PCDHGC4: variants seen among roughly 807,000 people sequenced by gnomAD.
PCDHGC4 encodes the protein protocadherin gamma-C4.
A neutral mutation model predicts 59.7 loss-of-function variants in PCDHGC4; 15 were observed. The ratio of observed to expected loss-of-function variants is 0.25; its 90% CI spans 0.17 to 0.39. The LOEUF is 0.39. Ranked by LOEUF, PCDHGC4 falls within the 10% of genes least tolerant of loss-of-function variation. The probability of loss-of-function intolerance (pLI) is 1.00; values close to 1 mark genes in which losing one functional copy is unlikely to be tolerated. For missense variants in PCDHGC4, 1,016 were observed against 1,189.5 expected (o/e 0.85, Z 2.15); for synonymous variants, 434 against 481.4 (o/e 0.90, Z 1.29).
intron 1 of PCDHGC4, among the ~76,000 whole-genome samples, chr5:141,492,824 C>T (rs1027583244): frequency 4.6e-5 from 7 of 152,236 alleles, no homozygotes. Context: ...ACCAGCGGCC[C>T]CTTCCTCCCG....
At chr5:141,495,544 T>C (rs971374249) in intron 2 of PCDHGC4, among the ~76,000 whole-genome samples, 5 of 152,220 alleles carry the variant, frequency 3.3e-5, no homozygotes, top group African/African-American at 7.2e-5. Context: ...CCTCAGTCTC[T>C]ATCTCGCTTT....
chr5:141,491,648 T>C lies in PCDHGC4; in HGVS notation c.2443-3159T>C. ...GTTCAGCAGCCCACAGCTCTGGCGC[T>C]GGAGCCTGACGCCATCCGGTCCCGC... On this transcript the variant is annotated intron_variant, in intron 1 of 3. Transcript: ENST00000306593. The surrounding 1 kb of genome is among the most constrained non-coding windows in gnomAD (Gnocchi z 6.9). 2 of 1,613,834 alleles carry C rather than the reference T, an allele frequency of 1.2e-6. No individual in the cohort carries two copies. Among genetic ancestry groups the C allele is most frequent in the South Asian group, 1.1e-5 (1 of 91,082 alleles).
intron 1 of PCDHGC4, among the ~76,000 whole-genome samples, chr5:141,494,188 T>G (rs2099752632): frequency 6.6e-6 from 1 of 152,186 alleles, no homozygotes; most frequent in Non-Finnish European, 1.5e-5. Flanking sequence ...GTCCCGGGAC[T>G]TGGATGCCCC....
intron 1 of PCDHGC4, among the ~76,000 whole-genome samples, chr5:141,488,969 CCAAT>C (rs1303368467): frequency 4.6e-5 from 7 of 152,106 alleles, no homozygotes; most frequent in Non-Finnish European, 7.4e-5. Context: ...GACTTTTTGG[CCAAT>C]CAGACTCAGA....
intron 1 of PCDHGC4, among the ~76,000 whole-genome samples, chr5:141,488,675 T>C (rs888235928): frequency 2.6e-5 from 4 of 152,116 alleles, no homozygotes; most frequent in Admixed American, 1.3e-4. Flanking sequence ...TACATGGGCT[T>C]TGCCTCTCCC....
chr5:141,508,737 C>T (rs919094477), intron 3 of PCDHGC4, among the ~76,000 whole-genome samples: 1 of 152,010 alleles, frequency 6.6e-6, no homozygotes, highest in Non-Finnish European at 1.5e-5. Flanking sequence ...CTACACCCCC[C>T]ACCCCGCTCT....
intron 2 of PCDHGC4, among the ~76,000 whole-genome samples, chr5:141,499,015 AG>A (rs2099788530): frequency 6.6e-6 from 1 of 151,284 alleles, no homozygotes; most frequent in Non-Finnish European, 1.5e-5. Context: ...GAAGGAAGGA[AG>A]GAAGGAAGGA....
chr5:141,489,208 C>A lies in PCDHGC4; in HGVS notation c.2442+1593C>A. On this transcript the variant is annotated intron_variant, in intron 1 of 3. Coordinates refer to ENST00000306593, the MANE Select transcript of PCDHGC4 (RefSeq NM_018928.3). The surrounding 1 kb of genome is among the most constrained non-coding windows in gnomAD (Gnocchi z 4.5). The stretch of plus-strand genomic sequence containing the variant: ...GGTCTACCTTGGAGACAGGACAGCA[C>A]AGACTTACTCTCCACAAAGGGACTT... 1 of 1,451,152 alleles carries A rather than the reference C, an allele frequency of 6.9e-7. No individual in the cohort carries two copies. The highest frequency in any genetic ancestry group is 9.3e-7 in the Non-Finnish European group (1 of 1,072,112). 89.9% of individuals were successfully genotyped at this position (1,451,152 alleles called of 1,614,324 possible).
Position 141,489,595 on chromosome 5 carries a change from G to A in PCDHGC4, c.2442+1980G>A. The A allele has an allele frequency of 1.2e-6, 2 of 1,614,132 alleles. No individual in the cohort carries two copies. Among genetic ancestry groups the A allele is most frequent in the Non-Finnish European group, 1.7e-6 (2 of 1,180,004 alleles). On this transcript the variant is annotated intron_variant, in intron 1 of 3. Coordinates refer to ENST00000306593, the MANE Select transcript of PCDHGC4 (RefSeq NM_018928.3). The surrounding 1 kb of genome is among the most constrained non-coding windows in gnomAD (Gnocchi z 4.5). Reference sequence around the variant, plus strand: ...TGAACACCCCCTGGAGCTAATCCGTGTAGAGGTAGAGATCCTGGATCTCAA... The same window carrying A: ...TGAACACCCCCTGGAGCTAATCCGTATAGAGGTAGAGATCCTGGATCTCAA...
rs2099710385 is a variant in PCDHGC4 at position 141,491,296 on chromosome 5, G to A, written c.2443-3511G>A. 6.2e-7 allele frequency: 1 copy of A among 1,614,034 alleles called. No individual in the cohort carries two copies. Among genetic ancestry groups the A allele is most frequent in the African/African-American group, 1.3e-5 (1 of 74,924 alleles). Reference sequence around the variant, plus strand: ...CAGTGACTTCCTCATACACCCTCCTGAGCGTTCAGACCTTACCCTTTACCT... The same window carrying A: ...CAGTGACTTCCTCATACACCCTCCTAAGCGTTCAGACCTTACCCTTTACCT... On this transcript the variant is annotated intron_variant, in intron 1 of 3. Transcript: ENST00000306593. The surrounding 1 kb of genome is among the most constrained non-coding windows in gnomAD (Gnocchi z 6.9).
intron 3 of PCDHGC4, 137 bp from the exon 4 acceptor site, chr5:141,510,810 A>T: frequency 6.6e-7 from 1 of 1,519,768 alleles, no homozygotes; most frequent in African/African-American, 1.4e-5. Context: ...TACCTTGGTG[A>T]CCCCTATATT....
chr5:141,510,451 G>A (rs1330148267), intron 3 of PCDHGC4, among the ~76,000 whole-genome samples: 2 of 152,096 alleles, frequency 1.3e-5, no homozygotes, highest in East Asian at 1.9e-4. Context: ...AGGAGCCCAT[G>A]GTCTAGTGTG....
intron 2 of PCDHGC4, among the ~76,000 whole-genome samples, chr5:141,498,309 G>A (rs2099783046): frequency 6.6e-6 from 1 of 151,844 alleles, no homozygotes; most frequent in Non-Finnish European, 1.5e-5. Flanking sequence ...GGGTCACACT[G>A]CCTACACAGA....
intron 2 of PCDHGC4, among the ~76,000 whole-genome samples, chr5:141,502,152 C>T (rs1306227782): frequency 2.0e-5 from 3 of 152,128 alleles, no homozygotes; most frequent in African/African-American, 4.8e-5. Flanking sequence ...AAGTAAGGAC[C>T]CCAGATATTC....
chr5:141,487,459 T>A lies in PCDHGC4; in HGVS notation c.2286T>A (p.Phe762Leu). The A allele has an allele frequency of 1.2e-6, 2 of 1,614,102 alleles. No homozygotes were observed. Among genetic ancestry groups the A allele is most frequent in the Non-Finnish European group, 1.7e-6 (2 of 1,180,008 alleles). The change falls in exon 1 of 4, where the codon TTT (phenylalanine) becomes TTA (leucine). Residue 762 changes from phenylalanine (F) to leucine (L), a missense_variant. Phe to Leu is a conservative substitution (Grantham distance 22). Transcript: ENST00000306593. The surrounding 1 kb of genome is among the most constrained non-coding windows in gnomAD (Gnocchi z 5.0). ...IQLGSDDPIK[F>L]VDVGGHSHGC... is the part of the protein sequence containing the mutation. ...TAGGGTCAGATGACCCTATCAAGTT[T>A]GTTGATGTGGGAGGCCACTCTCATG...
intron 2 of PCDHGC4, among the ~76,000 whole-genome samples, chr5:141,500,469 A>G (rs917974103): frequency 1.3e-5 from 2 of 152,052 alleles, no homozygotes; most frequent in East Asian, 1.9e-4. Context: ...TCGGCCTCCC[A>G]AAGTGCTGGG....
rs964965013 is a variant in PCDHGC4 at position 141,489,097 on chromosome 5, C to G, written c.2442+1482C>G. The G allele has an allele frequency of 6.4e-6, 2 of 313,448 alleles. No homozygotes were observed. The highest frequency in any genetic ancestry group is 1.1e-4 in the South Asian group (2 of 18,596). 19.4% of individuals were successfully genotyped at this position (313,448 alleles called of 1,614,324 possible). The stretch of plus-strand genomic sequence containing the variant: ...ACCCCCGCCACTCGGTGACTAAGAA[C>G]TGCTGCAAGCAGGCAAACCTCCGAG... On this transcript the variant is annotated intron_variant, in intron 1 of 3. Coordinates refer to ENST00000306593, the MANE Select transcript of PCDHGC4 (RefSeq NM_018928.3). This position sits in a 1 kb window ranked among gnomAD's most constrained non-coding sequence, Gnocchi z 4.5.
At chr5:141,500,582 T>G (rs534297929) in intron 2 of PCDHGC4, among the ~76,000 whole-genome samples, 29 of 152,314 alleles carry the variant, frequency 1.9e-4, no homozygotes, top group African/African-American at 6.7e-4. Flanking sequence ...ATGTGACACT[T>G]TATTCACATA....
rs376101780 is a variant in PCDHGC4, at chr5:141,485,901, A to G, written c.728A>G (p.Gln243Arg). 3 of 1,614,026 alleles carry G rather than the reference A, an allele frequency of 1.9e-6. No homozygotes were observed. In the African/African-American group the frequency reaches 4.0e-5, roughly 22 times the overall value. Reference sequence around the variant, plus strand: ...GTAAACGACAACGCCCCAGCCTTCCAGCAATCCAGCTACAGGATTAGTGTG... The same window carrying G: ...GTAAACGACAACGCCCCAGCCTTCCGGCAATCCAGCTACAGGATTAGTGTG... ...LDVNDNAPAFQQSSYRISVLE... is the reference protein window; with the variant it reads ...LDVNDNAPAFRQSSYRISVLE... The change falls in exon 1 of 4, where the codon CAG becomes CGG. Residue 243 changes from glutamine (Q) to arginine (R), a missense_variant. By Grantham distance (43) the Gln-to-Arg change is conservative (BLOSUM62 1). Coordinates refer to ENST00000306593, the MANE Select transcript of PCDHGC4 (RefSeq NM_018928.3). This position sits in a 1 kb window ranked among gnomAD's most constrained non-coding sequence, Gnocchi z 5.7.
Sources: allele counts gnomAD v4.1 joint callset (sites outside exome capture counted in the v4.1 genomes callset), GRCh38; gene constraint gnomAD v4.1.1; non-coding constraint Gnocchi (gnomAD v3.1); transcripts MANE v1.5; gene names NCBI Gene and HGNC (gene_info 2026-07-23, HGNC 2026-07-21).